NALF1: variants seen among roughly 807,000 people sequenced by gnomAD.
NALF1 encodes family with sequence similarity 155 member A.
A neutral mutation model predicts 48.4 loss-of-function variants in NALF1; 3 were observed. The observed-to-expected ratio is 0.06, with a 90% confidence interval of 0.03 to 0.16. The LOEUF (loss-of-function observed/expected upper bound fraction) is 0.16, where lower values mean the gene tolerates loss of function less well. Among genes scored for constraint, NALF1 ranks in the 10% least tolerant of loss-of-function variants. The pLI is 1.00. For synonymous variants in NALF1, 262 were observed against 245.7 expected (o/e 1.07, Z -0.62); for missense variants, 526 against 571.5 (o/e 0.92, Z 0.81).
At chr13:107,420,109 A>C (rs1884160374) in intron 1 of NALF1, among the ~76,000 whole-genome samples, 1 of 152,220 alleles carries the variant, frequency 6.6e-6, no homozygotes, top group Admixed American at 6.5e-5. Flanking sequence ...ATTCAATTTC[A>C]GTGTTCCCCA....
rs577332969 is a variant in NALF1 at position 107,403,925 on chromosome 13, T to C, written c.916-193170A>G. On this transcript the variant is annotated intron_variant, in intron 1 of 2. Coordinates refer to ENST00000375915, the MANE Select transcript of NALF1 (RefSeq NM_001080396.3). Reference sequence around the variant, plus strand: ...GGAGTTACTATTATGTTTTCATCTCTTGAATTCTATGACATAAAACGAAGC... The same window carrying C: ...GGAGTTACTATTATGTTTTCATCTCCTGAATTCTATGACATAAAACGAAGC... Among the ~76,000 whole-genome samples, 11 of 152,256 alleles carry C rather than the reference T, an allele frequency of 7.2e-5. No homozygotes were observed. The South Asian group carries it at 2.3e-3, about 32-fold the overall frequency.
chr13:107,198,994 A>G (rs1879452101), intron 2 of NALF1, among the ~76,000 whole-genome samples: 1 of 152,154 alleles, frequency 6.6e-6, no homozygotes, highest in South Asian at 2.1e-4. Flanking sequence ...ATGTGTGTGT[A>G]AGGCCTTCAA....
intron 1 of NALF1, among the ~76,000 whole-genome samples, chr13:107,542,324 TG>T (rs1006402803): frequency 6.6e-6 from 1 of 150,992 alleles, no homozygotes; most frequent in African/African-American, 2.4e-5. Context: ...TTCAGGCTGG[TG>T]GGGGAGGGGG....
intron 1 of NALF1, among the ~76,000 whole-genome samples, chr13:107,573,032 C>T (rs531874222): frequency 3.3e-5 from 5 of 152,170 alleles, no homozygotes; most frequent in African/African-American, 4.8e-5. Context: ...TGCAACCATC[C>T]GGGACTCTTC....
intron 1 of NALF1, among the ~76,000 whole-genome samples, chr13:107,823,578 C>T (rs1237644957): frequency 1.3e-5 from 2 of 149,490 alleles, no homozygotes; most frequent in East Asian, 2.0e-4. Flanking sequence ...CAGTAACCCC[C>T]GTGGCCTCCG....
At chr13:107,427,406 G>A (rs1233703804) in intron 1 of NALF1, among the ~76,000 whole-genome samples, 1 of 151,718 alleles carries the variant, frequency 6.6e-6, no homozygotes. Flanking sequence ...ACAAAATATG[G>A]CAATGATCTA....
chr13:107,175,629 T>C (rs1320261529), intron 2 of NALF1, among the ~76,000 whole-genome samples: 1 of 152,216 alleles, frequency 6.6e-6, no homozygotes, highest in Non-Finnish European at 1.5e-5. Context: ...TGCCTTTTTC[T>C]CTGTCAAATG....
chr13:107,287,706 C>CTTTTTTTTTTTTTTTTTTTTTTTCTT (rs59607599), intron 1 of NALF1, among the ~76,000 whole-genome samples: 1 of 127,906 alleles, frequency 7.8e-6, no homozygotes. Flanking sequence ...TCTTTTCTTT[C>CTTTTTTTTTTTTTTTTTTTTTTTCTT]TTTTTTTTTT....
chr13:107,752,454 G>T (rs1876966661), intron 1 of NALF1, among the ~76,000 whole-genome samples: 1 of 152,030 alleles, frequency 6.6e-6, no homozygotes, highest in African/African-American at 2.4e-5. Flanking sequence ...CACCACCCAT[G>T]ATATTCATTG....
intron 1 of NALF1, among the ~76,000 whole-genome samples, chr13:107,476,458 T>C (rs921103382): frequency 2.0e-5 from 3 of 152,100 alleles, no homozygotes; most frequent in African/African-American, 4.8e-5. Context: ...TGGCTGAAAA[T>C]GTATATAATC....
chr13:107,478,475 T>C (rs540965848), intron 1 of NALF1, among the ~76,000 whole-genome samples: 2 of 152,206 alleles, frequency 1.3e-5, no homozygotes, highest in Admixed American at 1.3e-4. Flanking sequence ...AAAAAGTCAG[T>C]GTTGAATATT....
chr13:107,807,170 T>G (rs1435614945), intron 1 of NALF1, among the ~76,000 whole-genome samples: 1 of 152,206 alleles, frequency 6.6e-6, no homozygotes, highest in Admixed American at 6.5e-5. Context: ...AATATGATTA[T>G]ATTGATATGA....
intron 1 of NALF1, among the ~76,000 whole-genome samples, chr13:107,861,915 C>T (rs191030528): frequency 7.2e-4 from 109 of 152,178 alleles, no homozygotes; most frequent in Admixed American, 1.2e-3. Flanking sequence ...GTGGGTGATG[C>T]AAATGAGAAA....
intron 1 of NALF1, among the ~76,000 whole-genome samples, chr13:107,304,651 C>G (rs1008451730): frequency 1.3e-5 from 2 of 152,294 alleles, no homozygotes; most frequent in Admixed American, 6.5e-5. Flanking sequence ...AATAATTACA[C>G]TTAAGAGCAG....
intron 1 of NALF1, among the ~76,000 whole-genome samples, chr13:107,764,311 A>T (rs1566473080): frequency 6.6e-6 from 1 of 152,152 alleles, no homozygotes. Flanking sequence ...TTTCAAAATT[A>T]AGTAGCTGAT....
intron 1 of NALF1, among the ~76,000 whole-genome samples, chr13:107,501,682 A>G (rs1875529593): frequency 1.3e-5 from 2 of 152,212 alleles, no homozygotes; most frequent in Non-Finnish European, 2.9e-5. Context: ...TAAGAAGGCT[A>G]AATAAAATGG....
chr13:107,780,956 T>C (rs954080251), intron 1 of NALF1, among the ~76,000 whole-genome samples: 11 of 152,198 alleles, frequency 7.2e-5, no homozygotes, highest in African/African-American at 2.2e-4. Flanking sequence ...ATTTAGTATA[T>C]TGCTGATGGC....
At chr13:107,684,525 C>T (rs4772910) in intron 1 of NALF1, among the ~76,000 whole-genome samples, 131,588 of 152,138 alleles carry the variant, frequency 0.86, 57,574 homozygotes, top group Non-Finnish European at 0.93. Flanking sequence ...TCAGAGAGTA[C>T]CCAGGAGGAC....
chr13:107,551,740 T>A (rs1254263645), intron 1 of NALF1, among the ~76,000 whole-genome samples: 1 of 152,142 alleles, frequency 6.6e-6, no homozygotes, highest in Non-Finnish European at 1.5e-5. Context: ...CTTAGTGACC[T>A]CTTTTCTTAA....
Sources: allele counts gnomAD v4.1 joint callset (sites outside exome capture counted in the v4.1 genomes callset), GRCh38; gene constraint gnomAD v4.1.1; transcripts MANE v1.5; gene names NCBI Gene and HGNC (gene_info 2026-07-23, HGNC 2026-07-21).